FBXO7: variants seen among roughly 807,000 people sequenced by gnomAD.
FBXO7 encodes F-box protein 7, also known as F-box only protein 7.
In FBXO7, 31 loss-of-function variants were observed where a neutral mutation model predicts 50.2. The ratio of observed to expected loss-of-function variants is 0.62; its 90% CI spans 0.46 to 0.83. The LOEUF is 0.83. Ranked by LOEUF, FBXO7 falls within the 40% of genes least tolerant of loss-of-function variation. The pLI is 0.00. For missense variants in FBXO7, 667 were observed against 646.6 expected (o/e 1.03, Z -0.34); for synonymous variants, 256 against 253.1 (o/e 1.01, Z -0.11).
At position 32,478,885 on chromosome 22, in the gene FBXO7, T is replaced by C. The variant is rs1601503278; in HGVS notation, c.123-96T>C. The C allele has an allele frequency of 6.7e-6, 8 of 1,185,772 alleles. No homozygotes were observed. The South Asian group carries it at 9.8e-5, about 15-fold the overall frequency. 73.5% of individuals were successfully genotyped at this position (1,185,772 alleles called of 1,614,324 possible). ...TTGTCTCTTCATCACTTAGTTCTTC[T>C]AGGGTCATACTGTGTACTTATGTAT... On this transcript the variant is annotated intron_variant, in intron 1 of 8. Coordinates refer to ENST00000266087, the MANE Select transcript of FBXO7 (RefSeq NM_012179.4).
chr22:32,475,397 C>T (rs1483388408), intron 1 of FBXO7: 16 of 1,611,046 alleles, frequency 9.9e-6, no homozygotes, highest in Non-Finnish European at 1.2e-5. Flanking sequence ...GTCCCCTCCT[C>T]GGTGAGTCAT....
intron 6 of FBXO7, chr22:32,491,434 G>T: frequency 4.8e-6 from 2 of 412,598 alleles, no homozygotes; most frequent in Non-Finnish European, 8.8e-6. Context: ...TTCCACCTAA[G>T]GTTGGGAATA....
chr22:32,482,016 C>G (rs2057468062), intron 2 of FBXO7, among the ~76,000 whole-genome samples: 1 of 152,068 alleles, frequency 6.6e-6, no homozygotes, highest in Non-Finnish European at 1.5e-5. Flanking sequence ...ATATCTCCCT[C>G]TCATGTACTC....
Position 32,474,836 on chromosome 22 carries a change from G to A in FBXO7, c.-167G>A. On this transcript the variant is annotated 5_prime_UTR_variant, in exon 1 of 9. Transcript: ENST00000266087. ...GCTCTATTCCAGAGACCGAGTGGCAGGGCGGCCACTGTGGCGGGGCTCTTT... is the reference window on the plus strand; with the variant it reads ...GCTCTATTCCAGAGACCGAGTGGCAAGGCGGCCACTGTGGCGGGGCTCTTT... The A allele has an allele frequency of 1.5e-6, 1 of 664,704 alleles. No homozygotes were observed. The highest frequency in any genetic ancestry group is 2.4e-6 in the Non-Finnish European group (1 of 409,244). The allele number at this position is 664,704 out of a possible 1,614,324, so 41.2% of individuals were successfully genotyped here. A position where few individuals can be genotyped will look rare whatever the true frequency, so the allele number is the denominator to read the frequency against.
chr22:32,478,741 A>C (rs1324338462), intron 1 of FBXO7, among the ~76,000 whole-genome samples: 1 of 152,026 alleles, frequency 6.6e-6, no homozygotes, highest in Non-Finnish European at 1.5e-5. Context: ...GAAAACAAAA[A>C]CAAAAATGTA....
At chr22:32,495,009 C>T (rs553234324) in intron 7 of FBXO7, among the ~76,000 whole-genome samples, 3 of 152,166 alleles carry the variant, frequency 2.0e-5, no homozygotes, top group African/African-American at 2.4e-5. Context: ...TTCAGGACAT[C>T]GTTGGGAGAA....
At chr22:32,475,475 A>G in intron 1 of FBXO7, 2 of 1,568,060 alleles carry the variant, frequency 1.3e-6, no homozygotes, top group Non-Finnish European at 1.7e-6. Context: ...AACTGGTTAG[A>G]TTTCAAGTTG....
Position 32,498,630 on chromosome 22 carries a change from G to T in FBXO7, c.*100G>T. 1 of 1,417,368 alleles carries T rather than the reference G, an allele frequency of 7.1e-7. No individual in the cohort carries two copies. The highest frequency in any genetic ancestry group is 9.6e-7 in the Non-Finnish European group (1 of 1,038,768). 87.8% of individuals were successfully genotyped at this position (1,417,368 alleles called of 1,614,324 possible). On this transcript the variant is annotated 3_prime_UTR_variant, in exon 9 of 9. Transcript: ENST00000266087. Reference sequence around the variant, plus strand: ...TGATCTCGAGTGTTATTTTCTGATTGTGGTGTTGAGAGTTGCACTCCCAGA... The same window carrying T: ...TGATCTCGAGTGTTATTTTCTGATTTTGGTGTTGAGAGTTGCACTCCCAGA...
intron 5 of FBXO7, chr22:32,490,071 CCTT>C (rs1224422398): frequency 5.3e-5 from 8 of 152,200 alleles, no homozygotes; most frequent in South Asian, 4.1e-4. Flanking sequence ...ATATCTCTTT[CCTT>C]CTTCTTATCG....
In FBXO7 at chr22:32,491,162, T is replaced by G; in HGVS notation, c.948T>G (p.Leu316=). Residue 316 remains leucine, a synonymous_variant, in exon 6 of 9, where the codon CTT becomes CTG. Coordinates refer to ENST00000266087, the MANE Select transcript of FBXO7 (RefSeq NM_012179.4). The part of the protein sequence containing the change: ...RLFKDQLVYP[L]LAFTRQALNL... ...TTAAAGACCAGCTGGTGTATCCTCT[T>G]CTGGCTTTTACCCGACAAGGTAAGA... 2 of 1,611,164 alleles carry G rather than the reference T, an allele frequency of 1.2e-6. No homozygotes were observed. The highest frequency in any genetic ancestry group is 2.2e-5 in the South Asian group (2 of 91,000).
At chr22:32,487,577 T>C (rs1187443426) in intron 4 of FBXO7, 168 bp from the exon 5 acceptor site, 4 of 588,780 alleles carry the variant, frequency 6.8e-6, no homozygotes, top group Non-Finnish European at 1.2e-5. Context: ...ATGCCAGGTT[T>C]ACACTTTTGA....
At chr22:32,492,528 A>G (rs753801258) in intron 6 of FBXO7, 1 of 153,134 alleles carries the variant, frequency 6.5e-6, no homozygotes, top group South Asian at 2.0e-4. Flanking sequence ...TTCAGATAAT[A>G]GTAATTTGCT....
At chr22:32,485,972 T>G (rs992709045) in intron 4 of FBXO7, among the ~76,000 whole-genome samples, 1 of 152,208 alleles carries the variant, frequency 6.6e-6, no homozygotes. Context: ...GTTAGAAAGA[T>G]AGCGTGGTAA....
In FBXO7 at chr22:32,493,170, C is replaced by T. The variant is rs151103559; in HGVS notation, c.1033C>T (p.Arg345Ter). 24 of 1,614,006 alleles carry T rather than the reference C, an allele frequency of 1.5e-5. No individual in the cohort carries two copies. Among genetic ancestry groups the T allele is most frequent in the East Asian group, 4.5e-5 (2 of 44,884 alleles). Residue 345 changes from arginine to a stop codon, truncating the protein, a stop_gained, in exon 7 of 9, where the codon CGA becomes TGA. Coordinates refer to ENST00000266087, the MANE Select transcript of FBXO7 (RefSeq NM_012179.4). LOFTEE classifies it high-confidence loss of function. ...ATTGGAACTGAAACTACGGATCTTCCGACTTCTGGATGTTCGTTCCGTCTT... is the reference window on the plus strand; with the variant it reads ...ATTGGAACTGAAACTACGGATCTTCTGACTTCTGGATGTTCGTTCCGTCTT... ...LPLELKLRIF[R>*]LLDVRSVLSL...
Position 32,498,174 on chromosome 22 carries a change from G to C in FBXO7, c.1213G>C (p.Glu405Gln). The part of the protein sequence containing the change: ...LYRKRHIQRK[E>Q]SPKGRFVMLL... ...CAGGAAGAGGCACATACAAAGAAAA[G>C]AATCCCCGAAAGGGCGGTTTGTGAT... is the stretch of plus-strand genomic sequence containing the variant. The change falls in exon 9 of 9, where the codon GAA becomes CAA. Residue 405 changes from glutamate to glutamine, a missense_variant. Glu to Gln is a conservative substitution (Grantham distance 29, BLOSUM62 2). Transcript: ENST00000266087. 3.1e-6 allele frequency: 5 copies of C among 1,614,112 alleles called. No homozygotes were observed. The highest frequency in any genetic ancestry group is 4.2e-6 in the Non-Finnish European group (5 of 1,179,994).
chr22:32,495,620 G>C, intron 8 of FBXO7, 90 bp downstream of exon 8: 1 of 617,016 alleles, frequency 1.6e-6, no homozygotes, highest in East Asian at 2.9e-5. Flanking sequence ...ACTTTTATAT[G>C]ATGTAGTGAA....
chr22:32,485,388 T>C (rs1224197112), intron 4 of FBXO7, among the ~76,000 whole-genome samples, 179 bp downstream of exon 4: 1 of 152,230 alleles, frequency 6.6e-6, no homozygotes, highest in African/African-American at 2.4e-5. Context: ...TATGAGGTTG[T>C]TGAGTTGTTT....
intron 2 of FBXO7, among the ~76,000 whole-genome samples, chr22:32,482,118 T>TA (rs1213818392): frequency 6.6e-6 from 1 of 152,172 alleles, no homozygotes; most frequent in African/African-American, 2.4e-5. Flanking sequence ...GACATAGTGG[T>TA]AAAGAAGCAA....
At chr22:32,486,548 C>A (rs2057500073) in intron 4 of FBXO7, among the ~76,000 whole-genome samples, 1 of 152,090 alleles carries the variant, frequency 6.6e-6, no homozygotes, top group Non-Finnish European at 1.5e-5. Context: ...GTTGCCCAGG[C>A]TGGTCTCAAA....
Sources: allele counts gnomAD v4.1 joint callset (sites outside exome capture counted in the v4.1 genomes callset), GRCh38; gene constraint gnomAD v4.1.1; transcripts MANE v1.5; gene names NCBI Gene and HGNC (gene_info 2026-07-23, HGNC 2026-07-21).